The following CCDC152 variants were observed in gnomAD, a reference collection of about 807,000 sequenced individuals.
CCDC152 encodes the protein coiled-coil domain containing 152.
A neutral mutation model predicts 38.1 loss-of-function variants in CCDC152; 37 were observed. That is an observed-to-expected ratio of 0.97 (90% CI 0.75 to 1.28). CCDC152 has a LOEUF of 1.28. Ranked by LOEUF, CCDC152 falls within the 50% of genes most tolerant of loss-of-function variation. The pLI, the probability that CCDC152 is intolerant of heterozygous loss-of-function variation, is 0.00. For synonymous variants in CCDC152, 83 were observed against 87.1 expected (o/e 0.95, Z 0.26); for missense variants, 259 against 292.1 (o/e 0.89, Z 0.83).
intron 4 of CCDC152, among the ~76,000 whole-genome samples, 165 bp downstream of exon 4, chr5:42,769,830 T>C (rs1759674126): frequency 6.6e-6 from 1 of 152,190 alleles, no homozygotes; most frequent in African/African-American, 2.4e-5. Flanking sequence ...ATAAGAAATG[T>C]TATCCTGAAC....
chr5:42,761,795 TGAG>T (rs879752723), intron 2 of CCDC152, among the ~76,000 whole-genome samples: 24 of 152,188 alleles, frequency 1.6e-4, no homozygotes, highest in Non-Finnish European at 3.4e-4. Flanking sequence ...ACCATGGGAC[TGAG>T]AGTTGAATAG....
In CCDC152 at chr5:42,801,242, C is replaced by T. The variant is rs778453889; in HGVS notation, c.*1461C>T. On this transcript the variant is annotated 3_prime_UTR_variant, in exon 9 of 9. Coordinates refer to ENST00000361970, the MANE Select transcript of CCDC152 (RefSeq NM_001134848.2). ...GCTGATGTCCATGATTGTGATGATG[C>T]TCATGATGGTAATGAGGCGATGGAG... 1.2e-6 allele frequency: 2 copies of T among 1,614,046 alleles called. No homozygotes were observed. The highest frequency in any genetic ancestry group is 2.2e-5 in the East Asian group (1 of 44,874).
intron 5 of CCDC152, among the ~76,000 whole-genome samples, chr5:42,781,617 C>T (rs1759848065): frequency 6.6e-6 from 1 of 151,672 alleles, no homozygotes. Context: ...ATAATTTTAC[C>T]TTAAAATTTG....
In CCDC152 at chr5:42,779,483, T is replaced by A. The variant is rs1030664367; in HGVS notation, c.288T>A (p.Ser96Arg). ...LKGENEQLKI[S>R]ADLIKEKLKS... ...GTGAAAATGAACAACTAAAAATAAG[T>A]GCTGATCTTATAAAAGAGAAGTTAA... Residue 96 changes from serine (S) to arginine (R), a missense_variant, in exon 5 of 9, where the codon AGT becomes AGA. Transcript: ENST00000361970. 89 of 1,518,130 alleles carry A rather than the reference T, an allele frequency of 5.9e-5. 1 individual carries two copies. The highest frequency in any genetic ancestry group is 7.5e-5 in the Non-Finnish European group (84 of 1,117,104). The allele number at this position is 1,518,130 out of a possible 1,614,324, so 94.0% of individuals were successfully genotyped here.
chr5:42,789,876 C>A (rs972193443), intron 6 of CCDC152, among the ~76,000 whole-genome samples: 23 of 151,932 alleles, frequency 1.5e-4, no homozygotes, highest in African/African-American at 5.3e-4. Context: ...TGTAAAATTA[C>A]CAGAAGAAAG....
At chr5:42,771,190 A>G (rs1184694622) in intron 4 of CCDC152, among the ~76,000 whole-genome samples, 1 of 152,226 alleles carries the variant, frequency 6.6e-6, no homozygotes, top group African/African-American at 2.4e-5. Flanking sequence ...GAGTCAAAGA[A>G]TAAACCAAAG....
At chr5:42,776,743 G>A (rs1759772399) in intron 4 of CCDC152, among the ~76,000 whole-genome samples, 1 of 152,036 alleles carries the variant, frequency 6.6e-6, no homozygotes, top group African/African-American at 2.4e-5. Context: ...AATTAAAGTA[G>A]ACATCAAAAA....
intron 4 of CCDC152, 26 bp from the exon 5 acceptor site, chr5:42,779,432 G>A: frequency 7.9e-7 from 1 of 1,260,570 alleles, no homozygotes; most frequent in Non-Finnish European, 1.1e-6. Flanking sequence ...TATATATTAT[G>A]ATGTTCTTTG....
intron 6 of CCDC152, among the ~76,000 whole-genome samples, chr5:42,795,023 G>A (rs1241446352): frequency 1.3e-5 from 2 of 152,042 alleles, no homozygotes; most frequent in African/African-American, 2.4e-5. Context: ...AAATGTAAAA[G>A]CCAACAAATA....
chr5:42,770,921 A>G (rs1759689664), intron 4 of CCDC152, among the ~76,000 whole-genome samples: 1 of 152,012 alleles, frequency 6.6e-6, no homozygotes, highest in Non-Finnish European at 1.5e-5. Context: ...TTTCCTTTCC[A>G]GATATTTTGT....
chr5:42,783,890 C>A (rs55851367), intron 6 of CCDC152, among the ~76,000 whole-genome samples: 12,994 of 152,194 alleles, frequency 0.085, 654 homozygotes, highest in Middle Eastern at 0.14. Context: ...TGATGCCCTC[C>A]AGCTCCAACC....
chr5:42,759,146 A>G lies in CCDC152; in HGVS notation c.25A>G (p.Met9Val), dbSNP rs988119091. MDQSSEGC[M>V]KKISSVNLDK... ...CATGGACCAAAGCAGTGAAGGATGT[A>G]TGAAAAAGATTAGCAGTGTGAATCT... The change falls in exon 2 of 9, where the codon ATG becomes GTG. Residue 9 changes from methionine (M) to valine (V), a missense_variant. Physicochemically the swap from Met to Val is conservative, Grantham distance 21. Coordinates refer to ENST00000361970, the MANE Select transcript of CCDC152 (RefSeq NM_001134848.2). The G allele has an allele frequency of 1.3e-6, 2 of 1,551,004 alleles. No homozygotes were observed. Among genetic ancestry groups the G allele is most frequent in the Non-Finnish European group, 1.7e-6 (2 of 1,146,278 alleles).
intron 5 of CCDC152, among the ~76,000 whole-genome samples, chr5:42,781,809 A>G (rs1483493013): frequency 6.6e-6 from 1 of 152,146 alleles, no homozygotes; most frequent in Non-Finnish European, 1.5e-5. Flanking sequence ...TAGGTATTAG[A>G]GGCTTTTATT....
chr5:42,797,756 T>A (rs991307660), intron 7 of CCDC152, among the ~76,000 whole-genome samples: 1 of 152,118 alleles, frequency 6.6e-6, no homozygotes, highest in African/African-American at 2.4e-5. Flanking sequence ...TGGAAGAATA[T>A]ATATCCTGGG....
chr5:42,790,153 T>C (rs986295725), intron 6 of CCDC152, among the ~76,000 whole-genome samples: 25 of 152,248 alleles, frequency 1.6e-4, no homozygotes, highest in African/African-American at 4.6e-4. Flanking sequence ...GCAAAAATAT[T>C]TGGACAGTTA....
At chr5:42,769,380 C>T (rs1374489254) in intron 3 of CCDC152, among the ~76,000 whole-genome samples, 4 of 151,874 alleles carry the variant, frequency 2.6e-5, no homozygotes, top group African/African-American at 7.3e-5. Context: ...CTCTGTCACT[C>T]AGGCTGGAGT....
chr5:42,771,456 AC>A (rs1436366834), intron 4 of CCDC152, among the ~76,000 whole-genome samples: 1 of 152,056 alleles, frequency 6.6e-6, no homozygotes, highest in African/African-American at 2.4e-5. Flanking sequence ...AAAATAAAAA[AC>A]AACAGAAAAT....
chr5:42,800,959 G>A lies in CCDC152; in HGVS notation c.*1178G>A, dbSNP rs1760179020. 6.2e-7 allele frequency: 1 copy of A among 1,614,206 alleles called. No individual in the cohort carries two copies. Among genetic ancestry groups the A allele is most frequent in the East Asian group, 2.2e-5 (1 of 44,892 alleles). ...TTTTCAAATATCAGATGTCGACAATGGCAGCATCAGCTCCTAGGAGCCAAC... is the reference window on the plus strand; with the variant it reads ...TTTTCAAATATCAGATGTCGACAATAGCAGCATCAGCTCCTAGGAGCCAAC... On this transcript the variant is annotated 3_prime_UTR_variant, in exon 9 of 9. Coordinates refer to ENST00000361970, the MANE Select transcript of CCDC152 (RefSeq NM_001134848.2).
intron 2 of CCDC152, among the ~76,000 whole-genome samples, chr5:42,761,588 C>G (rs912670467): frequency 6.6e-6 from 1 of 151,976 alleles, no homozygotes; most frequent in Admixed American, 6.6e-5. Flanking sequence ...GCACTCCAGC[C>G]TGGGCAACAG....
Sources: allele counts gnomAD v4.1 joint callset (sites outside exome capture counted in the v4.1 genomes callset), GRCh38; gene constraint gnomAD v4.1.1; transcripts MANE v1.5; gene names NCBI Gene and HGNC (gene_info 2026-07-23, HGNC 2026-07-21).